The following LTBP4 variants were observed in gnomAD, a reference collection of about 807,000 sequenced individuals.
LTBP4 encodes latent-transforming growth factor beta-binding protein 4.
A neutral mutation model predicts 180.2 loss-of-function variants in LTBP4; 93 were observed. The observed-to-expected ratio is 0.52, with a 90% CI of 0.44 to 0.61. LTBP4 has a LOEUF of 0.61. Ranked by LOEUF, LTBP4 falls within the 20% of genes least tolerant of loss-of-function variation. The probability of loss-of-function intolerance (pLI) is 0.00; values close to 1 mark genes in which losing one functional copy is unlikely to be tolerated. For synonymous variants in LTBP4, 947 were observed against 934.5 expected (o/e 1.01, Z -0.24); for missense variants, 2,116 against 2,256.5 (o/e 0.94, Z 1.26).
At chr19:40,598,322 C>T (rs1402643446), upstream of LTBP4, among the ~76,000 whole-genome samples, 2 of 152,064 alleles carry the variant, frequency 1.3e-5, no homozygotes, top group Non-Finnish European at 2.9e-5. Context: ...ATCCTCCACT[C>T]GGCCCCACCC....
rs964866317 is a variant in LTBP4 at position 40,605,711 on chromosome 19, C to T, written c.691-18C>T. On this transcript the variant is annotated intron_variant, in intron 3 of 29. Transcript: ENST00000396819. This position sits in a 1 kb window ranked among gnomAD's most constrained non-coding sequence, Gnocchi z 5.5. ...TTGCCTCCGCGCGGGGGCGCGCTCA[C>T]CCAACACTTCCCCGCAGTGCGCGTC... 15 of 1,547,148 alleles carry T rather than the reference C, an allele frequency of 9.7e-6. No homozygotes were observed. In the Admixed American group the frequency reaches 1.2e-4, roughly 12 times the overall value.
chr19:40,616,666 G>T (rs1435100451), intron 19 of LTBP4, among the ~76,000 whole-genome samples: 1 of 152,200 alleles, frequency 6.6e-6, no homozygotes, highest in African/African-American at 2.4e-5. Context: ...GGAGGCAAAA[G>T]TTGCAGTGAG....
intron 1 of LTBP4, among the ~76,000 whole-genome samples, chr19:40,596,045 C>T (rs1033610958): frequency 6.6e-6 from 1 of 151,188 alleles, no homozygotes; most frequent in Non-Finnish European, 1.5e-5. Context: ...CTCAGCCTCC[C>T]GAGTCGCTGG....
In LTBP4 at chr19:40,601,435, G is replaced by GT; in HGVS notation, c.48_49insT (p.Ala17CysfsTer84). ...TCTGGGTGTCGCTATTGGTGCTGCT[G>GT]GCGCAGCTAGGGCCGCAGCCTGGAC... On this transcript the variant is annotated frameshift_variant, in exon 1 of 30. Coordinates refer to ENST00000396819, the MANE Select transcript of LTBP4 (RefSeq NM_001042545.2). LOFTEE classifies it high-confidence loss of function. 2 of 1,457,900 alleles carry GT rather than the reference G, an allele frequency of 1.4e-6. No homozygotes were observed. Among genetic ancestry groups the GT allele is most frequent in the Non-Finnish European group, 1.8e-6 (2 of 1,107,540 alleles). The allele number at this position is 1,457,900 out of a possible 1,614,324, so 90.3% of individuals were successfully genotyped here.
chr19:40,608,700 C>T, intron 9 of LTBP4, 97 bp downstream of exon 9: 10 of 1,415,396 alleles, frequency 7.1e-6, no homozygotes, highest in South Asian at 1.2e-5. Flanking sequence ...ATCACCAGGT[C>T]AGGAGTTCGA....
At chr19:40,599,526 GAC>G (rs1321935316), upstream of LTBP4, 2 of 1,612,004 alleles carry the variant, frequency 1.2e-6, no homozygotes, top group Non-Finnish European at 1.7e-6. Flanking sequence ...GTGAGGAAGA[GAC>G]AGGTGTCCCT....
rs2077407 is a variant in LTBP4, at chr19:40,613,923, C to T, written c.2565C>T (p.Asp855=). 0.085 allele frequency: 137,555 copies of T among 1,613,452 alleles called. 6,407 individuals are homozygous for T. Among genetic ancestry groups the T allele is most frequent in the Middle Eastern group, 0.12 (726 of 6,058 alleles). ...GPRGASCLDV[D]ECSEEDLCQS... is the part of the protein sequence containing the mutation. ...GGACGCCCTGTCCCGCAGACGTTGACGAGTGCAGCGAGGAGGACCTTTGCC... is the reference window on the plus strand; with the variant it reads ...GGACGCCCTGTCCCGCAGACGTTGATGAGTGCAGCGAGGAGGACCTTTGCC... Residue 855 remains aspartate (D), a synonymous_variant, in exon 18 of 30, where the codon GAC becomes GAT. Coordinates refer to ENST00000396819, the MANE Select transcript of LTBP4 (RefSeq NM_001042545.2). This position sits in a 1 kb window ranked among gnomAD's most constrained non-coding sequence, Gnocchi z 5.0.
At chr19:40,625,316 A>ATATATATATATATATATTTT (rs1568414647) in intron 26 of LTBP4, among the ~76,000 whole-genome samples, 2 of 21,928 alleles carry the variant, frequency 9.1e-5, no homozygotes, top group Non-Finnish European at 1.6e-4. Context: ...ATATATATAT[A>ATATATATATATATATATTTT]TTTTTTTTTT....
At chr19:40,616,821 C>T (rs545588061) in intron 19 of LTBP4, 68 bp from the exon 20 acceptor site, 20 of 1,572,968 alleles carry the variant, frequency 1.3e-5, no homozygotes, top group South Asian at 4.6e-5. Context: ...TCTTGGGCAC[C>T]GGAAGTGGTG....
intron 19 of LTBP4, chr19:40,615,199 G>T (rs574768277): frequency 5.4e-5 from 8 of 147,914 alleles, no homozygotes; most frequent in African/African-American, 7.5e-5. Context: ...TCGGCGGGGG[G>T]GGGGGGGCGG....
chr19:40,603,200 C>T (rs1171888367), intron 1 of LTBP4, among the ~76,000 whole-genome samples: 2 of 152,210 alleles, frequency 1.3e-5, no homozygotes, highest in Non-Finnish European at 2.9e-5. Context: ...TTCTAGCTCA[C>T]CCCCTTCCCC....
chr19:40,599,623 C>G (rs2081409776), upstream of LTBP4: 2 of 1,475,426 alleles, frequency 1.4e-6, no homozygotes, highest in African/African-American at 1.4e-5. Context: ...CCCGTTTCCG[C>G]TCCTCCTCCC....
chr19:40,616,279 G>A (rs1167902079), intron 19 of LTBP4, among the ~76,000 whole-genome samples: 1 of 143,684 alleles, frequency 7.0e-6, no homozygotes, highest in African/African-American at 2.6e-5. Flanking sequence ...GAGCAACAGA[G>A]CAAGACCCCA....
chr19:40,601,688 TC>T, intron 1 of LTBP4, 51 bp downstream of exon 1: 1 of 1,257,078 alleles, frequency 8.0e-7, no homozygotes, highest in South Asian at 2.0e-5. Flanking sequence ...GGGAGGAGGA[TC>T]CCTGGGGATG....
chr19:40,605,826 G>T lies in LTBP4; in HGVS notation c.788G>T (p.Arg263Leu). 6.5e-7 allele frequency: 1 copy of T among 1,537,466 alleles called. No homozygotes were observed. ...CACGACTGTCAGCTGTGCTCCGAGC[G>T]CCTGGGTAAGCCCCAGGACGTCCCC... ...GVHDCQLCSE[R>L]LGNSERVSAP... The change falls in exon 4 of 30, where the codon CGC (arginine) becomes CTC (leucine). Residue 263 changes from arginine to leucine, a missense_variant. Arg to Leu is a moderately radical substitution (Grantham distance 102). Around this residue, in one of 5 missense-constraint regions of LTBP4, gnomAD observed 469 missense variants for 532.5 expected, o/e 0.88. Transcript: ENST00000396819. The surrounding 1 kb of genome is among the most constrained non-coding windows in gnomAD (Gnocchi z 5.5).
At position 40,627,059 on chromosome 19, in the gene LTBP4, A is replaced by G. The variant is rs758162542; in HGVS notation, c.4070A>G (p.Tyr1357Cys). The change falls in exon 28 of 30, where the codon TAC becomes TGC. Residue 1357 changes from tyrosine (Y) to cysteine (C), a missense_variant. By Grantham distance (194) the Tyr-to-Cys change is radical. Transcript: ENST00000396819. ...RPGGFGLPYE[Y>C]GPDLGPPYQG... ...GGTGGCTTTGGACTCCCCTACGAGT[A>G]CGGCCCAGACTTAGGTCCACCTTAC... 1 of 1,613,632 alleles carries G rather than the reference A, an allele frequency of 6.2e-7. No homozygotes were observed. The highest frequency in any genetic ancestry group is 1.7e-5 in the Admixed American group (1 of 59,992).
At chr19:40,593,190 C>T in intron 1 of LTBP4, 1 of 1,613,830 alleles carries the variant, frequency 6.2e-7, no homozygotes, top group Non-Finnish European at 8.5e-7. Flanking sequence ...AGGTGAGTGC[C>T]TCTGAAACCG....
upstream of LTBP4, among the ~76,000 whole-genome samples, chr19:40,597,657 C>A (rs563658131): frequency 6.7e-6 from 1 of 150,122 alleles, no homozygotes; most frequent in Non-Finnish European, 1.5e-5. Context: ...TTTATTGGGG[C>A]AGGGGGTGGG....
intron 6 of LTBP4, 80 bp downstream of exon 6, chr19:40,606,606 T>C: frequency 4.0e-6 from 6 of 1,497,768 alleles, no homozygotes; most frequent in Non-Finnish European, 5.4e-6. Context: ...GGGCCTTTAA[T>C]TCCCTCGGAC....
Sources: allele counts gnomAD v4.1 joint callset (sites outside exome capture counted in the v4.1 genomes callset), GRCh38; gene constraint gnomAD v4.1.1; regional missense constraint gnomAD v4.1.1; non-coding constraint Gnocchi (gnomAD v3.1); transcripts MANE v1.5; gene names NCBI Gene and HGNC (gene_info 2026-07-23, HGNC 2026-07-21).